The following RBMS3 variants were observed in gnomAD, a reference collection of about 807,000 sequenced individuals.
RBMS3 encodes the protein RNA binding motif single stranded interacting protein 3.
RBMS3 carries 27 observed loss-of-function variants against 66.8 expected under a neutral mutation model. The observed-to-expected ratio is 0.40, with a 90% CI of 0.30 to 0.56. The LOEUF (loss-of-function observed/expected upper bound fraction) is 0.56, where lower values mean the gene tolerates loss of function less well. Among genes scored for constraint, RBMS3 ranks in the 20% least tolerant of loss-of-function variants. The pLI, the probability that RBMS3 is intolerant of heterozygous loss-of-function variation, is 0.40. For missense variants in RBMS3, 513 were observed against 549.5 expected, an observed-to-expected ratio of 0.93 and a Z score of 0.66; for synonymous variants, 188 against 183.0, an observed-to-expected ratio of 1.03 and a Z score of -0.22.
intron 4 of RBMS3, among the ~76,000 whole-genome samples, chr3:29,659,082 G>C (rs1002961548): frequency 1.3e-5 from 2 of 152,198 alleles, no homozygotes; most frequent in Admixed American, 6.5e-5. Context: ...CTCCCGAAGT[G>C]CTGGGATTCG....
intron 6 of RBMS3, among the ~76,000 whole-genome samples, chr3:29,763,653 A>G (rs1340676884): frequency 6.6e-6 from 1 of 152,094 alleles, no homozygotes; most frequent in Non-Finnish European, 1.5e-5. Flanking sequence ...TATGCTATTA[A>G]GAATTGCATT....
At chr3:29,384,161 C>G (rs1427953607) in intron 1 of RBMS3, among the ~76,000 whole-genome samples, 1 of 151,816 alleles carries the variant, frequency 6.6e-6, no homozygotes, top group Non-Finnish European at 1.5e-5. Context: ...ACAAAAAATA[C>G]AAAAATTAGC....
intron 6 of RBMS3, among the ~76,000 whole-genome samples, chr3:29,803,749 C>T (rs1050400417): frequency 1.3e-5 from 2 of 151,914 alleles, no homozygotes; most frequent in Non-Finnish European, 2.9e-5. Context: ...TGAACACTCT[C>T]AAGCTACAGA....
chr3:29,780,530 G>C (rs1457542908), intron 6 of RBMS3, among the ~76,000 whole-genome samples: 1 of 151,898 alleles, frequency 6.6e-6, no homozygotes, highest in Non-Finnish European at 1.5e-5. Flanking sequence ...AAATGTAAGA[G>C]ATTTCATTAA....
chr3:29,455,422 A>G (rs1559375335), intron 2 of RBMS3, among the ~76,000 whole-genome samples: 1 of 151,326 alleles, frequency 6.6e-6, no homozygotes, highest in South Asian at 2.2e-4. Flanking sequence ...ATGTTTTTCT[A>G]TGAAGTCACC....
Position 29,341,496 on chromosome 3 carries a change from A to T in RBMS3, c.75+59740A>T, listed in dbSNP as rs115708214. On this transcript the variant is annotated intron_variant, in intron 1 of 14. Coordinates refer to ENST00000383767, the MANE Select transcript of RBMS3 (RefSeq NM_001003793.3). ...TATAAGTATTTTTATTTTATCATCTATTTGTATTTCTACTTTTTTATATTA... is the reference window on the plus strand; with the variant it reads ...TATAAGTATTTTTATTTTATCATCTTTTTGTATTTCTACTTTTTTATATTA... Among the ~76,000 whole-genome samples the T allele has an allele frequency of 6.7e-3, 1,016 of 152,138 alleles. 8 individuals carry two copies. The highest frequency in any genetic ancestry group is 0.024 in the African/African-American group (980 of 41,518).
chr3:29,663,476 C>A (rs2050634515), intron 4 of RBMS3, among the ~76,000 whole-genome samples: 1 of 152,146 alleles, frequency 6.6e-6, no homozygotes. Context: ...TCTTTGTGGC[C>A]TTTAATGAAC....
chr3:29,779,863 CT>C (rs916875918), intron 6 of RBMS3, among the ~76,000 whole-genome samples: 114 of 149,052 alleles, frequency 7.6e-4, no homozygotes, highest in Admixed American at 1.3e-3. Context: ...TTTGAGTAAG[CT>C]TTTTTTTTTA....
At chr3:29,393,102 T>C (rs1323344473) in intron 1 of RBMS3, among the ~76,000 whole-genome samples, 3 of 152,194 alleles carry the variant, frequency 2.0e-5, no homozygotes, top group East Asian at 1.9e-4. Context: ...TACCTTATAA[T>C]GTGCTTAACT....
intron 3 of RBMS3, among the ~76,000 whole-genome samples, chr3:29,496,209 A>AAG (rs1553611458): frequency 1.1e-4 from 16 of 151,180 alleles, no homozygotes; most frequent in African/African-American, 3.9e-4. Context: ...AAAAAAAAAA[A>AAG]AAAAGAAAAA....
intron 3 of RBMS3, 37 bp downstream of exon 3, chr3:29,488,536 T>G: frequency 6.4e-7 from 1 of 1,558,270 alleles, no homozygotes; most frequent in South Asian, 1.1e-5. Context: ...AAATCTTGCC[T>G]ATGCTATCTG....
chr3:29,888,885 G>T (rs894652280), intron 8 of RBMS3, among the ~76,000 whole-genome samples: 4 of 151,396 alleles, frequency 2.6e-5, no homozygotes, highest in Non-Finnish European at 5.9e-5. Context: ...CCCTTCCTCC[G>T]TGCCACTGGT....
chr3:29,427,708 C>T (rs1027503154), intron 1 of RBMS3, among the ~76,000 whole-genome samples: 1 of 152,058 alleles, frequency 6.6e-6, no homozygotes, highest in African/African-American at 2.4e-5. Flanking sequence ...AAAAAGAGTA[C>T]AAATTCTATT....
intron 3 of RBMS3, among the ~76,000 whole-genome samples, chr3:29,566,119 T>A (rs1364696798): frequency 6.6e-6 from 1 of 152,214 alleles, no homozygotes; most frequent in Admixed American, 6.5e-5. Context: ...TGAGCCAGAA[T>A]GTGTGGTAAG....
intron 1 of RBMS3, among the ~76,000 whole-genome samples, chr3:29,301,265 A>G (rs2033652918): frequency 6.6e-6 from 1 of 152,038 alleles, no homozygotes; most frequent in Non-Finnish European, 1.5e-5. Context: ...AGAGAGTGAT[A>G]ATTTATCAGA....
At chr3:29,439,657 T>G (rs1329348977) in intron 2 of RBMS3, among the ~76,000 whole-genome samples, 2 of 151,994 alleles carry the variant, frequency 1.3e-5, no homozygotes, top group African/African-American at 4.8e-5. Flanking sequence ...GTGCACAATG[T>G]GCAGGTTAGT....
At chr3:29,886,020 TTTAATTAAAAAGATAG>T (rs1199862892) in intron 8 of RBMS3, among the ~76,000 whole-genome samples, 1 of 151,886 alleles carries the variant, frequency 6.6e-6, no homozygotes, top group African/African-American at 2.4e-5. Context: ...GTTTAGCATT[TTTAATTAAAAAGATAG>T]TTTTTGCTGG....
intron 6 of RBMS3, among the ~76,000 whole-genome samples, chr3:29,789,392 A>G (rs1223382855): frequency 1.3e-5 from 2 of 152,066 alleles, no homozygotes; most frequent in Non-Finnish European, 2.9e-5. Flanking sequence ...TTATTTTAGC[A>G]TTAGTTGTAA....
chr3:29,417,331 C>T (rs994315288), intron 1 of RBMS3, among the ~76,000 whole-genome samples: 1 of 151,738 alleles, frequency 6.6e-6, no homozygotes, highest in Non-Finnish European at 1.5e-5. Context: ...CTGAGTTTGT[C>T]CTTGGGTTCA....
Sources: gnomAD v4.1 joint callset for allele counts (sites outside exome capture counted in the v4.1 genomes callset) on GRCh38, gnomAD v4.1.1 for gene constraint, MANE v1.5 for transcripts, NCBI Gene and HGNC (gene_info 2026-07-23, HGNC 2026-07-21) for gene names.